The following PRKG2 variants were observed in gnomAD, a reference collection of about 807,000 sequenced individuals.
PRKG2 encodes cGMP-dependent protein kinase 2.
In PRKG2, 33 loss-of-function variants were observed where a neutral mutation model predicts 97.2. That is an observed-to-expected ratio of 0.34 (90% CI 0.26 to 0.45). The LOEUF is 0.45. PRKG2 is among the 20% of genes least tolerant of loss of function. PRKG2 has a pLI of 1.00. For missense variants in PRKG2, 638 were observed against 900.0 expected, an observed-to-expected ratio of 0.71 and a Z score of 3.73; for synonymous variants, 330 against 321.8, an observed-to-expected ratio of 1.03 and a Z score of -0.27.
At chr4:81,150,298 G>A (rs1748256762) in intron 8 of PRKG2, among the ~76,000 whole-genome samples, 1 of 152,110 alleles carries the variant, frequency 6.6e-6, no homozygotes, top group Non-Finnish European at 1.5e-5. Context: ...AGTATTAGAT[G>A]TATGCAAATA....
chr4:81,177,359 A>G (rs1184169322), intron 2 of PRKG2, among the ~76,000 whole-genome samples: 2 of 152,192 alleles, frequency 1.3e-5, no homozygotes, highest in Non-Finnish European at 2.9e-5. Flanking sequence ...AATTATCTCT[A>G]TGAATTTTTC....
chr4:81,164,749 C>T (rs987676835), intron 6 of PRKG2, among the ~76,000 whole-genome samples: 1 of 152,150 alleles, frequency 6.6e-6, no homozygotes, highest in Admixed American at 6.6e-5. Context: ...GGCAAAGGTG[C>T]TCCACACTAC....
chr4:81,170,050 A>G (rs1050183762), intron 4 of PRKG2, among the ~76,000 whole-genome samples: 5 of 152,084 alleles, frequency 3.3e-5, no homozygotes, highest in Non-Finnish European at 7.4e-5. Flanking sequence ...GCAATTCCCA[A>G]TTATGCACTA....
At chr4:81,192,581 T>C (rs1322377476) in intron 2 of PRKG2, among the ~76,000 whole-genome samples, 1 of 152,194 alleles carries the variant, frequency 6.6e-6, no homozygotes, top group East Asian at 1.9e-4. Flanking sequence ...TTTCTGAATC[T>C]CAGATCTCTC....
chr4:81,112,695 T>C (rs373016204), intron 14 of PRKG2, among the ~76,000 whole-genome samples: 1 of 152,210 alleles, frequency 6.6e-6, no homozygotes, highest in East Asian at 1.9e-4. Flanking sequence ...CCTTTGATCA[T>C]ATCAACTTTG....
intron 6 of PRKG2, chr4:81,154,240 A>C: frequency 6.2e-6 from 1 of 160,738 alleles, no homozygotes; most frequent in Non-Finnish European, 1.3e-5. Flanking sequence ...CAAAGCAGCC[A>C]GGAAGCTCAA....
At chr4:81,217,782 T>G (rs562458674), upstream of PRKG2, among the ~76,000 whole-genome samples, 4 of 152,328 alleles carry the variant, frequency 2.6e-5, no homozygotes, top group South Asian at 8.3e-4. Flanking sequence ...ATTAACCCAA[T>G]TTAGAATGGC....
At chr4:81,181,439 A>C (rs1751401641) in intron 2 of PRKG2, among the ~76,000 whole-genome samples, 2 of 151,676 alleles carry the variant, frequency 1.3e-5, no homozygotes, top group South Asian at 4.2e-4. Context: ...TAAATATTAT[A>C]AATGAGCGTC....
upstream of PRKG2, among the ~76,000 whole-genome samples, chr4:81,217,315 T>C (rs1754314002): frequency 6.6e-6 from 1 of 152,048 alleles, no homozygotes; most frequent in Non-Finnish European, 1.5e-5. Flanking sequence ...AACTGGGTCA[T>C]ATGTACTTTC....
intron 14 of PRKG2, among the ~76,000 whole-genome samples, chr4:81,113,360 A>G (rs1363921827): frequency 6.8e-6 from 1 of 147,714 alleles, no homozygotes; most frequent in East Asian, 2.2e-4. Context: ...TTTCAAGAAG[A>G]GCACCCCCCC....
At chr4:81,090,454 A>G (rs1578316351) in intron 18 of PRKG2, among the ~76,000 whole-genome samples, 1 of 152,082 alleles carries the variant, frequency 6.6e-6, no homozygotes, top group Non-Finnish European at 1.5e-5. Flanking sequence ...CTTCCATTAT[A>G]TAAGTTTCTC....
chr4:81,090,943 G>T (rs1357141128), intron 18 of PRKG2, among the ~76,000 whole-genome samples: 1 of 152,038 alleles, frequency 6.6e-6, no homozygotes, highest in East Asian at 1.9e-4. Flanking sequence ...ATTACCATTA[G>T]ATATTCATAA....
At chr4:81,109,296 A>C (rs990731965) in intron 15 of PRKG2, among the ~76,000 whole-genome samples, 1 of 152,278 alleles carries the variant, frequency 6.6e-6, no homozygotes, top group Admixed American at 6.5e-5. Flanking sequence ...CTTTTCATAA[A>C]GTATGTGTTA....
At chr4:81,165,799 C>A (rs544479727) in intron 6 of PRKG2, among the ~76,000 whole-genome samples, 1 of 152,140 alleles carries the variant, frequency 6.6e-6, no homozygotes, top group Non-Finnish European at 1.5e-5. Context: ...CCTGTGGCTG[C>A]TATAAATACG....
chr4:81,189,095 A>AAAAAAAAAAG (rs1752231830), intron 2 of PRKG2, among the ~76,000 whole-genome samples: 1 of 113,366 alleles, frequency 8.8e-6, no homozygotes, highest in Non-Finnish European at 1.6e-5. Flanking sequence ...AAAAAAAAGA[A>AAAAAAAAAAG]GCTAGCAATT....
At chr4:81,114,319 G>C (rs1012528295) in intron 14 of PRKG2, among the ~76,000 whole-genome samples, 1 of 148,800 alleles carries the variant, frequency 6.7e-6, no homozygotes, top group African/African-American at 2.5e-5. Context: ...ACCTGTGTTT[G>C]GTGAAAAAAA....
intron 18 of PRKG2, among the ~76,000 whole-genome samples, chr4:81,091,572 C>T (rs1160341463): frequency 6.6e-6 from 1 of 152,060 alleles, no homozygotes; most frequent in Non-Finnish European, 1.5e-5. Flanking sequence ...CGTGAGCCAC[C>T]ATGCCTGGCC....
intron 10 of PRKG2, among the ~76,000 whole-genome samples, chr4:81,144,003 T>C (rs1277448720): frequency 1.3e-5 from 2 of 152,284 alleles, no homozygotes; most frequent in African/African-American, 4.8e-5. Flanking sequence ...CTCCCTAACA[T>C]TCCTACTCAT....
intron 3 of PRKG2, among the ~76,000 whole-genome samples, chr4:81,172,488 A>G (rs1466860333): frequency 6.6e-6 from 1 of 152,164 alleles, no homozygotes; most frequent in Non-Finnish European, 1.5e-5. Flanking sequence ...TGTAATACAT[A>G]TTAGTTACAA....
Sources: gnomAD v4.1 joint callset for allele counts (sites outside exome capture counted in the v4.1 genomes callset) on GRCh38, gnomAD v4.1.1 for gene constraint, MANE v1.5 for transcripts, NCBI Gene and HGNC (gene_info 2026-07-23, HGNC 2026-07-21) for gene names.